The following SPECC1L variants were observed in gnomAD, a reference collection of about 807,000 sequenced individuals.
SPECC1L encodes cytospin-A.
Under a neutral mutation model 116.8 loss-of-function variants are expected in SPECC1L, and 40 were observed. The ratio of observed to expected loss-of-function variants is 0.34; its 90% CI spans 0.27 to 0.45. SPECC1L has a LOEUF of 0.45. Ranked by LOEUF, SPECC1L falls within the 20% of genes least tolerant of loss-of-function variation. The pLI, the probability that SPECC1L is intolerant of heterozygous loss-of-function variation, is 1.00. For missense variants in SPECC1L, 1,110 were observed against 1,373.6 expected, an observed-to-expected ratio of 0.81 and a Z score of 3.03; for synonymous variants, 504 against 500.6, an observed-to-expected ratio of 1.01 and a Z score of -0.09.
At chr22:24,299,155 A>G (rs899890224) in intron 2 of SPECC1L, among the ~76,000 whole-genome samples, 3 of 152,148 alleles carry the variant, frequency 2.0e-5, no homozygotes, top group African/African-American at 7.2e-5. Context: ...ATTTATATTT[A>G]TTTTATTAAA....
chr22:24,323,018 A>G (rs369794886), intron 5 of SPECC1L, 100 bp downstream of exon 5: 4 of 1,496,842 alleles, frequency 2.7e-6, no homozygotes, highest in Non-Finnish European at 3.6e-6. Context: ...TTGGTGTGTT[A>G]TTAGCTTTTT....
chr22:24,368,953 A>G (rs370944217), intron 13 of SPECC1L, among the ~76,000 whole-genome samples: 1 of 152,212 alleles, frequency 6.6e-6, no homozygotes, highest in Non-Finnish European at 1.5e-5. Flanking sequence ...GGCACATTTT[A>G]ATTTTAAATG....
intron 4 of SPECC1L, among the ~76,000 whole-genome samples, chr22:24,314,729 G>A (rs1246298148): frequency 6.6e-6 from 1 of 152,186 alleles, no homozygotes; most frequent in Non-Finnish European, 1.5e-5. Flanking sequence ...TGGCATTGGA[G>A]CCTTATGGGA....
rs1309748234 is a variant in SPECC1L, at chr22:24,321,745, A to G, written c.765A>G (p.Glu255=). The change falls in exon 5 of 17, where the codon GAA becomes GAG. Residue 255 remains glutamate, a synonymous_variant. Transcript: ENST00000314328. ...QLQEQNTAIR[E]ELNQLKNENR... ...AGGAACAGAATACTGCCATCCGTGA[A>G]GAACTCAACCAGCTGAAAAATGAAA... 6.2e-7 allele frequency: 1 copy of G among 1,614,148 alleles called. No individual in the cohort carries two copies. Among genetic ancestry groups the G allele is most frequent in the African/African-American group, 1.3e-5 (1 of 74,956 alleles).
chr22:24,338,596 A>C (rs1231598752), intron 10 of SPECC1L, 119 bp downstream of exon 10: 4 of 800,970 alleles, frequency 5.0e-6, no homozygotes, highest in Non-Finnish European at 8.4e-6. Context: ...GCAGGGATGT[A>C]TCTAGAATTT....
chr22:24,336,839 G>C (rs1218513087), intron 9 of SPECC1L, among the ~76,000 whole-genome samples: 2 of 152,122 alleles, frequency 1.3e-5, no homozygotes, highest in Non-Finnish European at 2.9e-5. Context: ...ACTTAACGAT[G>C]CTTTAACTTT....
chr22:24,343,743 C>T (rs2041230008), intron 10 of SPECC1L: 1 of 155,140 alleles, frequency 6.4e-6, no homozygotes, highest in Non-Finnish European at 1.4e-5. Flanking sequence ...TGTGCCCAGC[C>T]CAAAATGGCA....
chr22:24,283,837 C>T (rs917584137), intron 2 of SPECC1L, among the ~76,000 whole-genome samples: 3 of 152,120 alleles, frequency 2.0e-5, no homozygotes, highest in African/African-American at 7.2e-5. Context: ...GATAGTTTGT[C>T]TTTCAAGAAA....
intron 6 of SPECC1L, among the ~76,000 whole-genome samples, chr22:24,327,239 C>G (rs1235120283): frequency 1.5e-5 from 2 of 131,074 alleles, no homozygotes; most frequent in African/African-American, 5.8e-5. Flanking sequence ...AATCATGCCA[C>G]TGCACTCCAG....
intron 11 of SPECC1L, among the ~76,000 whole-genome samples, chr22:24,359,731 T>C (rs1005823576): frequency 1.3e-4 from 20 of 152,172 alleles, no homozygotes; most frequent in South Asian, 2.1e-4. Flanking sequence ...CTAGATTTCT[T>C]TGGGGGTATA....
intron 11 of SPECC1L, 91 bp from the exon 12 acceptor site, chr22:24,363,170 T>C: frequency 8.8e-7 from 1 of 1,134,754 alleles, no homozygotes; most frequent in Admixed American, 1.9e-5. Flanking sequence ...GCTTCAAGGC[T>C]GAAAGGAGTA....
intron 12 of SPECC1L, 132 bp from the exon 13 acceptor site, chr22:24,365,344 C>A: frequency 1.3e-6 from 1 of 799,100 alleles, no homozygotes; most frequent in South Asian, 1.7e-5. Context: ...GAAATACTTT[C>A]CAGTTATCAA....
At position 24,324,377 on chromosome 22, in the gene SPECC1L, A is replaced by G; in HGVS notation, c.2096A>G (p.Gln699Arg). The change falls in exon 6 of 17, where the codon CAA (glutamine) becomes CGA (arginine). Residue 699 changes from glutamine to arginine, a missense_variant. By Grantham distance (43) the Gln-to-Arg change is conservative. This residue lies in a region of SPECC1L where 575 missense variants were observed against 682.4 expected (regional missense o/e 0.84). Transcript: ENST00000314328. ...TTTGAACTTGAAGATGAAGTAGAAC[A>G]ACATCGTGCTGTGAAACTTCATGAC... ...TIFELEDEVE[Q>R]HRAVKLHDNL... 6.2e-7 allele frequency: 1 copy of G among 1,614,212 alleles called. No homozygotes were observed. The highest frequency in any genetic ancestry group is 2.2e-5 in the East Asian group (1 of 44,870).
chr22:24,341,041 TC>T (rs1351587581), intron 10 of SPECC1L, among the ~76,000 whole-genome samples: 4 of 152,188 alleles, frequency 2.6e-5, no homozygotes, highest in Non-Finnish European at 5.9e-5. Flanking sequence ...CACAGTCTTT[TC>T]CTGGAGGCAA....
intron 1 of SPECC1L, among the ~76,000 whole-genome samples, chr22:24,271,327 G>A (rs2146307024): frequency 6.6e-6 from 1 of 152,352 alleles, no homozygotes; most frequent in African/African-American, 2.4e-5. Flanking sequence ...TTGCCTTTCC[G>A]CCGCTCCGGG....
intron 4 of SPECC1L, among the ~76,000 whole-genome samples, chr22:24,317,145 T>C (rs572841791): frequency 0.064 from 3,962 of 61,958 alleles, 421 homozygotes; most frequent in African/African-American, 0.16. Flanking sequence ...CTGACCCCCC[T>C]ACCTCCCTCC....
chr22:24,389,518 GT>G lies in SPECC1L; in HGVS notation c.3087+20212del, dbSNP rs758077260. 4.8e-3 allele frequency among the ~76,000 whole-genome samples: 664 copies of G among 138,656 alleles called. 2 individuals carry two copies. Among genetic ancestry groups the G allele is most frequent in the African/African-American group, 0.011 (405 of 38,142 alleles). 91.0% of individuals were successfully genotyped at this position (138,656 alleles called of 152,430 possible). On this transcript the variant is annotated intron_variant, in intron 14 of 16. Transcript: ENST00000314328. Reference sequence around the variant, plus strand: ...TATTTGTGTTTGTGGGGGCTTTCGGGTTTTTTTTTTTTTTAGGGAAAGGATC... The same window carrying G: ...TATTTGTGTTTGTGGGGGCTTTCGGGTTTTTTTTTTTTTAGGGAAAGGATC...
At chr22:24,292,963 A>C (rs1823563295) in intron 2 of SPECC1L, among the ~76,000 whole-genome samples, 2 of 152,354 alleles carry the variant, frequency 1.3e-5, no homozygotes, top group Admixed American at 6.5e-5. Context: ...TAGAATACAG[A>C]TTACACAGCA....
intron 4 of SPECC1L, among the ~76,000 whole-genome samples, chr22:24,320,936 A>G (rs1027323665): frequency 1.3e-5 from 2 of 152,184 alleles, no homozygotes; most frequent in African/African-American, 4.8e-5. Flanking sequence ...TTGCCCTAGA[A>G]TATTATGCCT....
Sources: allele counts gnomAD v4.1 joint callset (sites outside exome capture counted in the v4.1 genomes callset), GRCh38; gene constraint gnomAD v4.1.1; regional missense constraint gnomAD v4.1.1; transcripts MANE v1.5; gene names NCBI Gene and HGNC (gene_info 2026-07-23, HGNC 2026-07-21).